Variants in TMEM131L observed in about 807,000 individuals in gnomAD.
TMEM131L encodes the protein transmembrane protein 131-like.
Under a neutral mutation model 192.2 loss-of-function variants are expected in TMEM131L, and 54 were observed. That is an observed-to-expected ratio of 0.28 (90% confidence interval 0.23 to 0.35). The LOEUF is 0.35. TMEM131L is among the 10% of genes least tolerant of loss of function. The pLI, the probability that TMEM131L is intolerant of heterozygous loss-of-function variation, is 1.00. For missense variants in TMEM131L, 1,888 were observed against 1,972.9 expected, an observed-to-expected ratio of 0.96 and a Z score of 0.82; for synonymous variants, 701 against 704.9, an observed-to-expected ratio of 0.99 and a Z score of 0.09.
intron 2 of TMEM131L, among the ~76,000 whole-genome samples, chr4:153,471,137 G>A (rs542171429): frequency 3.3e-5 from 5 of 152,134 alleles, no homozygotes; most frequent in Non-Finnish European, 5.9e-5. Flanking sequence ...ACAGGCATGC[G>A]CCACCATGCC....
intron 2 of TMEM131L, among the ~76,000 whole-genome samples, chr4:153,471,390 A>G (rs1310106322): frequency 6.6e-6 from 1 of 152,144 alleles, no homozygotes; most frequent in Non-Finnish European, 1.5e-5. Context: ...CTGTGGCCAC[A>G]GTGTCCTGCA....
At chr4:153,470,694 G>A (rs1011538702) in intron 2 of TMEM131L, among the ~76,000 whole-genome samples, 3 of 152,216 alleles carry the variant, frequency 2.0e-5, no homozygotes, top group Admixed American at 6.5e-5. Flanking sequence ...ACGGCTTTGT[G>A]TACCTTCTTA....
In TMEM131L at chr4:153,604,009, C is replaced by T. The variant is rs151298229; in HGVS notation, c.2997C>T (p.Ser999=). The T allele has an allele frequency of 1.2e-6, 2 of 1,614,016 alleles. No individual in the cohort carries two copies. The highest frequency in any genetic ancestry group is 1.1e-5 in the South Asian group (1 of 91,088). The part of the protein sequence containing the change: ...KTSTAAASST[S]TTTEEKQTSP... ...GCACAGCTGCGGCCAGCAGCACCAG[C>T]ACGACTACTGAGGAAAAACAGACTT... Residue 999 remains serine (S), a synonymous_variant, in exon 25 of 35, where the codon AGC becomes AGT. Coordinates refer to ENST00000409959, the MANE Select transcript of TMEM131L (RefSeq NM_001131007.2).
chr4:153,562,946 G>A (rs1728940391), intron 7 of TMEM131L, among the ~76,000 whole-genome samples: 1 of 152,156 alleles, frequency 6.6e-6, no homozygotes. Flanking sequence ...AAACAATAGG[G>A]CCATCTAATT....
At chr4:153,492,104 C>T (rs116671414) in intron 3 of TMEM131L, among the ~76,000 whole-genome samples, 2,963 of 151,984 alleles carry the variant, frequency 0.019, 60 homozygotes, top group South Asian at 0.069. Context: ...TGGGCTCAAG[C>T]GATCCCCCTG....
intron 3 of TMEM131L, among the ~76,000 whole-genome samples, chr4:153,540,142 A>C (rs56372444): frequency 0.21 from 31,407 of 149,084 alleles, 3,357 homozygotes; most frequent in Middle Eastern, 0.29. Flanking sequence ...AAAAAAAAAA[A>C]CCCCAAAACA....
chr4:153,551,869 C>T (rs1375139834), intron 4 of TMEM131L, among the ~76,000 whole-genome samples: 1 of 151,856 alleles, frequency 6.6e-6, no homozygotes, highest in Non-Finnish European at 1.5e-5. Flanking sequence ...TTATCATAAC[C>T]TCATTGATTT....
intron 26 of TMEM131L, among the ~76,000 whole-genome samples, chr4:153,617,249 A>G (rs999027445): frequency 6.6e-6 from 1 of 152,148 alleles, no homozygotes; most frequent in Non-Finnish European, 1.5e-5. Context: ...ACCTTCTGCC[A>G]TGATTGTGAG....
intron 3 of TMEM131L, among the ~76,000 whole-genome samples, chr4:153,520,061 C>A (rs1048407512): frequency 6.6e-6 from 1 of 152,060 alleles, no homozygotes; most frequent in African/African-American, 2.4e-5. Context: ...TCTGCACTGA[C>A]TTTGGGGGTC....
chr4:153,489,704 C>T (rs1000071667), intron 3 of TMEM131L, among the ~76,000 whole-genome samples: 1 of 152,068 alleles, frequency 6.6e-6, no homozygotes, highest in African/African-American at 2.4e-5. Context: ...TCTCAAACTC[C>T]TGACCTCATG....
intron 4 of TMEM131L, among the ~76,000 whole-genome samples, chr4:153,554,630 T>C (rs1160024917): frequency 6.6e-6 from 1 of 152,252 alleles, no homozygotes; most frequent in Non-Finnish European, 1.5e-5. Context: ...ATTCCAATTA[T>C]AGATATAATT....
intron 18 of TMEM131L, 33 bp from the exon 19 acceptor site, chr4:153,593,766 T>C (rs17279217): frequency 0.3 from 404,418 of 1,370,468 alleles, 61,754 homozygotes; most frequent in Non-Finnish European, 0.32. Flanking sequence ...CAGATGTGAG[T>C]GCTGTTTTAA....
chr4:153,552,897 G>A (rs1450151968), intron 4 of TMEM131L, among the ~76,000 whole-genome samples: 3 of 151,022 alleles, frequency 2.0e-5, no homozygotes, highest in African/African-American at 4.9e-5. Context: ...TAAATACTAT[G>A]TAAATAGTTA....
intron 3 of TMEM131L, among the ~76,000 whole-genome samples, chr4:153,482,516 T>C (rs1350254313): frequency 2.0e-5 from 3 of 152,194 alleles, no homozygotes; most frequent in Non-Finnish European, 4.4e-5. Flanking sequence ...TCAGTTGAAA[T>C]AAATCAGAAA....
At chr4:153,570,328 G>T (rs976770418) in intron 7 of TMEM131L, among the ~76,000 whole-genome samples, 2 of 152,210 alleles carry the variant, frequency 1.3e-5, no homozygotes, top group African/African-American at 4.8e-5. Flanking sequence ...AGAGAGGGAA[G>T]GAAGTTGGAG....
intron 26 of TMEM131L, among the ~76,000 whole-genome samples, chr4:153,615,120 G>A (rs983578334): frequency 1.3e-5 from 2 of 152,034 alleles, no homozygotes; most frequent in East Asian, 3.8e-4. Context: ...TATAATATTC[G>A]GTTAGTTATT....
chr4:153,573,067 T>G (rs1392899875), intron 7 of TMEM131L, among the ~76,000 whole-genome samples: 1 of 152,274 alleles, frequency 6.6e-6, no homozygotes, highest in African/African-American at 2.4e-5. Flanking sequence ...CTGAATAATT[T>G]TCTGTTGCAC....
intron 4 of TMEM131L, among the ~76,000 whole-genome samples, chr4:153,551,796 T>A (rs1012515121): frequency 6.6e-6 from 1 of 152,264 alleles, no homozygotes; most frequent in African/African-American, 2.4e-5. Flanking sequence ...TACTCTTATG[T>A]AAAGAAAGTT....
At chr4:153,533,752 C>T (rs557302604) in intron 3 of TMEM131L, among the ~76,000 whole-genome samples, 111 of 152,272 alleles carry the variant, frequency 7.3e-4, no homozygotes, top group African/African-American at 2.5e-3. Context: ...TGGTTCAGTA[C>T]CTTATTTTCC....
Sources: allele counts gnomAD v4.1 joint callset (sites outside exome capture counted in the v4.1 genomes callset), GRCh38; gene constraint gnomAD v4.1.1; transcripts MANE v1.5; gene names NCBI Gene and HGNC (gene_info 2026-07-23, HGNC 2026-07-21).